The following SYN2 variants were observed in gnomAD, a reference collection of about 807,000 sequenced individuals.
SYN2 encodes synapsin-2.
Under a neutral mutation model 50.9 loss-of-function variants are expected in SYN2, and 19 were observed. The ratio of observed to expected loss-of-function variants is 0.37; its 90% CI spans 0.26 to 0.55. The LOEUF (loss-of-function observed/expected upper bound fraction) is 0.55. SYN2 is among the 20% of genes least tolerant of loss of function. The probability of loss-of-function intolerance (pLI) is 0.81; values close to 1 mark genes in which losing one functional copy is unlikely to be tolerated. For synonymous variants in SYN2, 255 were observed against 224.9 expected (o/e 1.13, Z -1.20); for missense variants, 587 against 576.4 (o/e 1.02, Z -0.19).
intron 1 of SYN2, among the ~76,000 whole-genome samples, chr3:12,115,222 G>A (rs1346079576): frequency 2.6e-5 from 4 of 152,108 alleles, no homozygotes; most frequent in Non-Finnish European, 5.9e-5. Context: ...ACAGAGTTTG[G>A]GTCCAGAACA....
At chr3:12,066,118 T>G (rs899690976) in intron 1 of SYN2, among the ~76,000 whole-genome samples, 2 of 152,164 alleles carry the variant, frequency 1.3e-5, no homozygotes, top group Non-Finnish European at 2.9e-5. Flanking sequence ...GGATGAATTG[T>G]ATGGTATGTG....
intron 1 of SYN2, among the ~76,000 whole-genome samples, chr3:12,013,469 T>A (rs1693959702): frequency 6.6e-6 from 1 of 152,178 alleles, no homozygotes; most frequent in Admixed American, 6.6e-5. Flanking sequence ...CCCTAATCAT[T>A]ACCTTTAGTC....
intron 12 of SYN2, among the ~76,000 whole-genome samples, 157 bp downstream of exon 12, chr3:12,187,769 TG>T (rs1435773286): frequency 2.9e-4 from 5 of 17,046 alleles, no homozygotes; most frequent in East Asian, 0.021. Context: ...TTTTGGTTTT[TG>T]TGTGTGTGTG....
At chr3:12,083,361 A>G (rs540613716) in intron 1 of SYN2, among the ~76,000 whole-genome samples, 2 of 152,194 alleles carry the variant, frequency 1.3e-5, no homozygotes, top group South Asian at 4.1e-4. Flanking sequence ...TTTACCTAGG[A>G]TGTCTGTGAA....
chr3:12,013,824 C>A (rs1194734466), intron 1 of SYN2, among the ~76,000 whole-genome samples: 3 of 152,162 alleles, frequency 2.0e-5, no homozygotes, highest in Admixed American at 6.5e-5. Flanking sequence ...CCCCTGCTTT[C>A]TTCTCCTGCC....
intron 1 of SYN2, among the ~76,000 whole-genome samples, chr3:12,112,699 C>G (rs1436227349): frequency 6.6e-6 from 1 of 152,122 alleles, no homozygotes; most frequent in Non-Finnish European, 1.5e-5. Context: ...CAACCAAGGT[C>G]ATAGCAAATT....
chr3:12,057,148 T>C (rs955022936), intron 1 of SYN2, among the ~76,000 whole-genome samples: 12 of 151,826 alleles, frequency 7.9e-5, no homozygotes, highest in African/African-American at 2.7e-4. Flanking sequence ...AAAAATTAGC[T>C]GGGCGTGGTG....
At chr3:12,179,692 C>T (rs572869846) in intron 10 of SYN2, among the ~76,000 whole-genome samples, 7 of 152,170 alleles carry the variant, frequency 4.6e-5, no homozygotes, top group African/African-American at 1.7e-4. Context: ...GTTGTCATTT[C>T]GAGACTTCTA....
intron 1 of SYN2, among the ~76,000 whole-genome samples, chr3:12,077,308 T>TA (rs943010345): frequency 8.6e-5 from 13 of 151,330 alleles, no homozygotes; most frequent in Non-Finnish European, 1.3e-4. Flanking sequence ...CCTTTTTTTT[T>TA]AAAAAAAAAT....
chr3:12,082,289 G>T (rs1695599402), intron 1 of SYN2, among the ~76,000 whole-genome samples: 1 of 152,176 alleles, frequency 6.6e-6, no homozygotes, highest in Non-Finnish European at 1.5e-5. Flanking sequence ...CTTGGGCCTG[G>T]TCACATGGAC....
At chr3:12,064,706 T>C (rs991569949) in intron 1 of SYN2, among the ~76,000 whole-genome samples, 1 of 152,024 alleles carries the variant, frequency 6.6e-6, no homozygotes. Flanking sequence ...AGGACAACTA[T>C]AATAAAAAAG....
intron 5 of SYN2, among the ~76,000 whole-genome samples, chr3:12,157,111 C>A (rs308954): frequency 0.44 from 66,387 of 151,902 alleles, 15,498 homozygotes; most frequent in Admixed American, 0.54. Context: ...ACAACAACAA[C>A]AAAAAACACC....
intron 1 of SYN2, among the ~76,000 whole-genome samples, chr3:12,063,397 C>T (rs182655519): frequency 1.6e-4 from 24 of 152,020 alleles, no homozygotes; most frequent in East Asian, 5.8e-4. Context: ...AGAATCTAAA[C>T]GTAAGAACTG....
At chr3:12,093,955 C>G (rs1195201106) in intron 1 of SYN2, among the ~76,000 whole-genome samples, 1 of 150,068 alleles carries the variant, frequency 6.7e-6, no homozygotes, top group African/African-American at 2.5e-5. Context: ...CTCTTGGGTT[C>G]AAGAGATTCT....
At chr3:12,158,701 C>A in intron 5 of SYN2, 2 of 1,610,328 alleles carry the variant, frequency 1.2e-6, no homozygotes, top group Non-Finnish European at 1.7e-6. Context: ...CTCGGACTCA[C>A]CAAGTGCCGA....
In SYN2 at chr3:12,191,768, G is replaced by T. The variant is rs1017026272; in HGVS notation, c.*1143G>T. 6.6e-6 allele frequency among the ~76,000 whole-genome samples: 1 copy of T among 152,074 alleles called. No individual in the cohort carries two copies. The highest frequency in any genetic ancestry group is 1.5e-5 in the Non-Finnish European group (1 of 68,030). ...CGGAGGAGTCAATTTAGACTCACTT[G>T]CCTGGTCTATCATCAAGCTCCTCAG... On this transcript the variant is annotated 3_prime_UTR_variant, in exon 13 of 13. Coordinates refer to ENST00000621198, the MANE Select transcript of SYN2 (RefSeq NM_133625.6).
At chr3:12,154,577 G>T in intron 5 of SYN2, 1 of 962,024 alleles carries the variant, frequency 1.0e-6, no homozygotes, top group East Asian at 2.5e-5. Context: ...GTGGCATGGG[G>T]CTCAGTGAAG....
Position 12,187,546 on chromosome 3 carries a change from C to T in SYN2, c.1547C>T (p.Ser516Phe), listed in dbSNP as rs1220423606. The T allele has an allele frequency of 5.2e-6, 8 of 1,552,328 alleles. No individual in the cohort carries two copies. The highest frequency in any genetic ancestry group is 6.1e-6 in the Non-Finnish European group (7 of 1,147,222). Residue 516 changes from serine to phenylalanine, a missense_variant, in exon 12 of 13, where the codon TCC becomes TTC. By Grantham distance (155) the Ser-to-Phe change is radical (BLOSUM62 -2). Transcript: ENST00000621198. Reference sequence around the variant, plus strand: ...GGAGATGCACCCTCCAGCAGCAGCTCCCTGGCAGAGGCCCAGCCACCCCTG... The same window carrying T: ...GGAGATGCACCCTCCAGCAGCAGCTTCCTGGCAGAGGCCCAGCCACCCCTG... The part of the protein sequence containing the change: ...THGDAPSSSS[S>F]LAEAQPPLAA...
At chr3:12,102,351 T>C (rs1696095493) in intron 1 of SYN2, among the ~76,000 whole-genome samples, 1 of 152,196 alleles carries the variant, frequency 6.6e-6, no homozygotes, top group Admixed American at 6.5e-5. Context: ...GTGTAGTTTT[T>C]GCAGGGATCT....
Sources: gnomAD v4.1 joint callset for allele counts (sites outside exome capture counted in the v4.1 genomes callset) on GRCh38, gnomAD v4.1.1 for gene constraint, MANE v1.5 for transcripts, NCBI Gene and HGNC (gene_info 2026-07-23, HGNC 2026-07-21) for gene names.